The following COL25A1 variants were observed in gnomAD, a reference collection of about 807,000 sequenced individuals.
The protein encoded by COL25A1 is collagen alpha-1(XXV) chain.
In COL25A1, 103 loss-of-function variants were observed where a neutral mutation model predicts 128.4. The observed-to-expected ratio is 0.80, with a 90% CI of 0.68 to 0.94. The LOEUF is 0.94. COL25A1 is among the 40% of genes least tolerant of loss of function. The pLI is 0.00. For synonymous variants in COL25A1, 279 were observed against 277.2 expected (o/e 1.01, Z -0.06); for missense variants, 745 against 840.0 (o/e 0.89, Z 1.40).
chr4:108,979,151 CT>C (rs1198682951), intron 6 of COL25A1, among the ~76,000 whole-genome samples: 1 of 152,174 alleles, frequency 6.6e-6, no homozygotes, highest in Admixed American at 6.5e-5. Context: ...GTTCAAACGG[CT>C]TTACATTCAG....
At chr4:108,988,424 TC>T (rs1753853601) in intron 6 of COL25A1, among the ~76,000 whole-genome samples, 1 of 152,212 alleles carries the variant, frequency 6.6e-6, no homozygotes, top group Non-Finnish European at 1.5e-5. Context: ...AGGATAGAGT[TC>T]AACTAGAAAT....
At chr4:108,938,006 C>T (rs554481196) in intron 10 of COL25A1, among the ~76,000 whole-genome samples, 163 bp from the exon 11 acceptor site, 22 of 152,250 alleles carry the variant, frequency 1.4e-4, no homozygotes, top group African/African-American at 4.8e-4. Flanking sequence ...TTCCCTTCTA[C>T]AAATAAACTT....
Position 109,301,826 on chromosome 4 carries a change from G to A in COL25A1, c.194C>T (p.Ala65Val). Residue 65 changes from alanine (A) to valine (V), a missense_variant, in exon 2 of 38, where the codon GCT (alanine) becomes GTT (valine). Ala to Val is a moderately conservative substitution (Grantham distance 64). This residue lies in a region of COL25A1 where 319 missense variants were observed against 324.9 expected (regional missense o/e 0.98). Transcript: ENST00000399132. ...KTNDLQARIA[A>V]LESAKGAPSI... ...AGGGGCCCCTTTGGCGGATTCGAGAGCGGCGATCCTCGCCTGGAGGTCGTT... is the reference window on the plus strand; with the variant it reads ...AGGGGCCCCTTTGGCGGATTCGAGAACGGCGATCCTCGCCTGGAGGTCGTT... 6.2e-7 allele frequency: 1 copy of A among 1,614,266 alleles called. No homozygotes were observed. The highest frequency in any genetic ancestry group is 1.7e-5 in the Admixed American group (1 of 60,036).
intron 3 of COL25A1, among the ~76,000 whole-genome samples, chr4:109,101,859 T>C (rs949321357): frequency 6.6e-6 from 1 of 152,186 alleles, no homozygotes; most frequent in Non-Finnish European, 1.5e-5. Context: ...GAGCTACAGA[T>C]GAAATGTTCT....
At chr4:109,155,227 C>T (rs1436289961) in intron 3 of COL25A1, among the ~76,000 whole-genome samples, 1 of 152,178 alleles carries the variant, frequency 6.6e-6, no homozygotes, top group Non-Finnish European at 1.5e-5. Context: ...TCCTCTCCTT[C>T]TTCTACAAGA....
chr4:108,982,917 A>C (rs1753146084), intron 6 of COL25A1, among the ~76,000 whole-genome samples: 1 of 152,234 alleles, frequency 6.6e-6, no homozygotes, highest in Non-Finnish European at 1.5e-5. Context: ...GGAAGCAATT[A>C]GTGGGTCTAG....
chr4:109,070,592 T>C (rs1040007041), intron 3 of COL25A1, among the ~76,000 whole-genome samples: 3 of 151,976 alleles, frequency 2.0e-5, no homozygotes, highest in Non-Finnish European at 4.4e-5. Flanking sequence ...AACGTGCAGG[T>C]TTGTTACATA....
intron 12 of COL25A1, among the ~76,000 whole-genome samples, chr4:108,919,487 C>T (rs1052967320): frequency 2.0e-5 from 3 of 152,154 alleles, no homozygotes; most frequent in African/African-American, 7.2e-5. Flanking sequence ...CAACAGATGC[C>T]ACATGCCCAG....
chr4:108,867,293 C>T (rs1560774541), intron 20 of COL25A1, among the ~76,000 whole-genome samples: 1 of 152,208 alleles, frequency 6.6e-6, no homozygotes, highest in African/African-American at 2.4e-5. Context: ...TGTATCATGC[C>T]CATCTGCGAG....
chr4:109,006,867 A>G (rs985441723), intron 6 of COL25A1, among the ~76,000 whole-genome samples: 1 of 152,176 alleles, frequency 6.6e-6, no homozygotes, highest in Non-Finnish European at 1.5e-5. Flanking sequence ...ATGAGAACAC[A>G]TGGACTCATT....
chr4:109,245,999 G>A (rs1241624495), intron 3 of COL25A1, among the ~76,000 whole-genome samples: 2 of 124,642 alleles, frequency 1.6e-5, no homozygotes, highest in Non-Finnish European at 3.1e-5. Context: ...ACCTCTAGTT[G>A]CTTTTTTGTT....
intron 3 of COL25A1, among the ~76,000 whole-genome samples, chr4:109,157,156 A>C (rs193102838): frequency 6.6e-6 from 1 of 152,356 alleles, no homozygotes; most frequent in Admixed American, 6.5e-5. Flanking sequence ...ACAGTGACTG[A>C]AGGAAGAGAA....
chr4:108,849,861 T>C (rs1166927668), intron 26 of COL25A1, among the ~76,000 whole-genome samples: 1 of 152,178 alleles, frequency 6.6e-6, no homozygotes, highest in Non-Finnish European at 1.5e-5. Flanking sequence ...TTAAGAGCTA[T>C]GAGGTACAGC....
At chr4:109,300,867 T>C (rs555697060) in intron 2 of COL25A1, among the ~76,000 whole-genome samples, 1 of 152,336 alleles carries the variant, frequency 6.6e-6, no homozygotes, top group African/African-American at 2.4e-5. Flanking sequence ...GCTGGACTTG[T>C]ATAACATCTT....
chr4:109,211,151 T>C (rs1442018535), intron 3 of COL25A1, among the ~76,000 whole-genome samples: 1 of 151,172 alleles, frequency 6.6e-6, no homozygotes, highest in African/African-American at 2.4e-5. Flanking sequence ...GTAACAAACC[T>C]GCATTGCATA....
intron 3 of COL25A1, among the ~76,000 whole-genome samples, chr4:109,106,607 G>T (rs1454093975): frequency 6.6e-6 from 1 of 152,062 alleles, no homozygotes; most frequent in Non-Finnish European, 1.5e-5. Flanking sequence ...GAAAAGTATA[G>T]CTAAGAGCAT....
At chr4:108,894,240 A>G (rs905696689) in intron 16 of COL25A1, among the ~76,000 whole-genome samples, 1 of 152,188 alleles carries the variant, frequency 6.6e-6, no homozygotes, top group African/African-American at 2.4e-5. Flanking sequence ...TAATTTTACA[A>G]TATGATTGAA....
At chr4:108,983,802 G>A (rs1261843287) in intron 6 of COL25A1, among the ~76,000 whole-genome samples, 1 of 152,136 alleles carries the variant, frequency 6.6e-6, no homozygotes, top group African/African-American at 2.4e-5. Flanking sequence ...GGCTTCAGGA[G>A]TGAAGCTGCA....
chr4:109,197,328 GTATATATATATAT>G (rs1776133056), intron 3 of COL25A1, among the ~76,000 whole-genome samples: 2 of 128,048 alleles, frequency 1.6e-5, no homozygotes, highest in African/African-American at 3.0e-5. Flanking sequence ...CCTGTCTCAA[GTATATATATATAT>G]TATATATATA....
Sources: gnomAD v4.1 joint callset for allele counts (sites outside exome capture counted in the v4.1 genomes callset) on GRCh38, gnomAD v4.1.1 for gene constraint, gnomAD v4.1.1 regional missense constraint, MANE v1.5 for transcripts, NCBI Gene and HGNC (gene_info 2026-07-23, HGNC 2026-07-21) for gene names.